NCOA3: variants seen among roughly 807,000 people sequenced by gnomAD.
NCOA3 encodes the protein nuclear receptor coactivator 3.
Under a neutral mutation model 158.8 loss-of-function variants are expected in NCOA3, and 51 were observed. The ratio of observed to expected loss-of-function variants is 0.32; its 90% CI spans 0.26 to 0.41. NCOA3 has a LOEUF of 0.41. Among genes scored for constraint, NCOA3 ranks in the 10% least tolerant of loss-of-function variants. The probability of loss-of-function intolerance (pLI) is 1.00; values close to 1 mark genes in which losing one functional copy is unlikely to be tolerated. For synonymous variants in NCOA3, 537 were observed against 592.4 expected, an observed-to-expected ratio of 0.91 and a Z score of 1.36; for missense variants, 1,510 against 1,746.6, an observed-to-expected ratio of 0.86 and a Z score of 2.41.
intron 8 of NCOA3, chr20:47,628,873 A>T (rs781037675): frequency 6.6e-6 from 1 of 152,208 alleles, no homozygotes; most frequent in African/African-American, 2.4e-5. Context: ...TCTTATGGTC[A>T]CCTAAGTGTA....
chr20:47,611,673 T>C (rs910749450), intron 2 of NCOA3, among the ~76,000 whole-genome samples: 2 of 152,068 alleles, frequency 1.3e-5, no homozygotes, highest in Non-Finnish European at 2.9e-5. Flanking sequence ...CTGCCTGTAA[T>C]CCCGGCTACT....
intron 1 of NCOA3, among the ~76,000 whole-genome samples, chr20:47,505,087 A>T (rs1469050770): frequency 2.4e-5 from 1 of 42,040 alleles, no homozygotes; most frequent in African/African-American, 7.6e-5. Context: ...TTTGAGAAGG[A>T]AATTTGCTCT....
intron 1 of NCOA3, among the ~76,000 whole-genome samples, chr20:47,566,887 G>A (rs1300070406): frequency 1.3e-5 from 2 of 151,994 alleles, no homozygotes; most frequent in Non-Finnish European, 2.9e-5. Flanking sequence ...GGGAGACTGA[G>A]GCAGGAAGAT....
rs2230781 is a variant in NCOA3 at position 47,636,061 on chromosome 20, C to T, written c.1675C>T (p.Pro559Ser). ...DNSPNMNITQ[P>S]SKVSNQDSKS... ...CTCTCCCAATATGAATATTACCCAA[C>T]CAAGTAAAGTAAGCAATCAGGATTC... The change falls in exon 12 of 23, where the codon CCA (proline) becomes TCA (serine). Residue 559 changes from proline to serine, a missense_variant. Pro to Ser is a moderately conservative substitution (Grantham distance 74). This residue lies in a region of NCOA3 where 1,017 missense variants were observed against 1,098.3 expected (regional missense o/e 0.93). Coordinates refer to ENST00000371998, the MANE Select transcript of NCOA3 (RefSeq NM_181659.3). 2.9e-3 allele frequency: 4,756 copies of T among 1,614,032 alleles called. 128 individuals carry two copies. The African/African-American group carries it at 0.055, about 19-fold the overall frequency.
At chr20:47,587,352 G>T (rs1445555282) in intron 2 of NCOA3, among the ~76,000 whole-genome samples, 1 of 152,194 alleles carries the variant, frequency 6.6e-6, no homozygotes, top group Non-Finnish European at 1.5e-5. Flanking sequence ...TGAGTGCTAG[G>T]TGTCCTCACT....
chr20:47,502,702 CTTTT>C (rs3083969), intron 1 of NCOA3, among the ~76,000 whole-genome samples: 1 of 139,320 alleles, frequency 7.2e-6, no homozygotes, highest in Non-Finnish European at 1.5e-5. Flanking sequence ...TTTATTACTA[CTTTT>C]TTTTTTTTTT....
At chr20:47,641,206 A>C (rs1247652599) in intron 16 of NCOA3, among the ~76,000 whole-genome samples, 1 of 152,188 alleles carries the variant, frequency 6.6e-6, no homozygotes, top group East Asian at 1.9e-4. Context: ...GAACTGAGGC[A>C]ACTTGCTGTG....
At chr20:47,580,370 G>A (rs1213608600) in intron 1 of NCOA3, among the ~76,000 whole-genome samples, 1 of 152,010 alleles carries the variant, frequency 6.6e-6, no homozygotes, top group South Asian at 2.1e-4. Flanking sequence ...TTCGATACCA[G>A]CCTGGCCAAT....
At chr20:47,632,689 GTT>G (rs35508741) in intron 8 of NCOA3, among the ~76,000 whole-genome samples, 9 of 141,306 alleles carry the variant, frequency 6.4e-5, no homozygotes, top group African/African-American at 1.3e-4. Context: ...GCTGGCCCGA[GTT>G]TTTTTTTTTT....
chr20:47,565,223 C>T (rs915225483), intron 1 of NCOA3, among the ~76,000 whole-genome samples: 5 of 152,154 alleles, frequency 3.3e-5, no homozygotes, highest in Non-Finnish European at 7.4e-5. Context: ...TCAAGTCACA[C>T]GCCTGCCTCG....
At chr20:47,618,624 G>A (rs2086184865) in intron 2 of NCOA3, among the ~76,000 whole-genome samples, 1 of 152,130 alleles carries the variant, frequency 6.6e-6, no homozygotes, top group Admixed American at 6.5e-5. Context: ...AAAGTGCTGG[G>A]ATTACATGCA....
rs775261584 is a variant in NCOA3 at position 47,639,642 on chromosome 20, T to G, written c.2773T>G (p.Ser925Ala). Reference protein sequence around the residue: ...PSSGDWGLPNSKAGRMEPMNS... With the variant: ...PSSGDWGLPNAKAGRMEPMNS... Reference sequence around the variant, plus strand: ...CTCAGGAGACTGGGGCTTACCAAACTCAAAGGCCGGCAGAATGGAACCTAT... The same window carrying G: ...CTCAGGAGACTGGGGCTTACCAAACGCAAAGGCCGGCAGAATGGAACCTAT... Residue 925 changes from serine (S) to alanine (A), a missense_variant, in exon 15 of 23, where the codon TCA becomes GCA. By Grantham distance (99) the Ser-to-Ala change is moderately conservative. Around this residue, in one of 4 missense-constraint regions of NCOA3, gnomAD observed 1,017 missense variants for 1,098.3 expected, o/e 0.93. Transcript: ENST00000371998. The G allele has an allele frequency of 3.1e-6, 5 of 1,613,862 alleles. No individual in the cohort carries two copies. Among genetic ancestry groups the G allele is most frequent in the Non-Finnish European group, 1.7e-6 (2 of 1,179,852 alleles).
At chr20:47,546,774 T>G (rs2084836521) in intron 1 of NCOA3, among the ~76,000 whole-genome samples, 1 of 151,992 alleles carries the variant, frequency 6.6e-6, no homozygotes, top group African/African-American at 2.4e-5. Flanking sequence ...CAGGTGATCT[T>G]CCCGCCCTGG....
intron 1 of NCOA3, among the ~76,000 whole-genome samples, chr20:47,562,538 ATT>A (rs201250731): frequency 2.1e-5 from 3 of 143,778 alleles, no homozygotes; most frequent in Non-Finnish European, 3.1e-5. Flanking sequence ...ATCTGTCTTG[ATT>A]TTTTTTTTTT....
intron 2 of NCOA3, among the ~76,000 whole-genome samples, chr20:47,587,727 T>G (rs905342300): frequency 1.3e-5 from 2 of 152,208 alleles, no homozygotes; most frequent in African/African-American, 4.8e-5. Context: ...TTGAGTATTT[T>G]TGATCCATGG....
intron 1 of NCOA3, among the ~76,000 whole-genome samples, chr20:47,576,079 C>T (rs1262222587): frequency 2.0e-5 from 3 of 152,100 alleles, no homozygotes. Context: ...ATGGTTCACT[C>T]CTGAGTTTAT....
intron 1 of NCOA3, among the ~76,000 whole-genome samples, chr20:47,531,814 C>T (rs962502163): frequency 6.6e-6 from 1 of 151,560 alleles, no homozygotes; most frequent in Non-Finnish European, 1.5e-5. Context: ...TCAGGTCCCT[C>T]ACTTTTTCTG....
At chr20:47,517,451 CTTTTTTT>C (rs376699406) in intron 1 of NCOA3, among the ~76,000 whole-genome samples, 49 of 129,296 alleles carry the variant, frequency 3.8e-4, no homozygotes, top group African/African-American at 6.3e-4. Context: ...TTTTCTTTTT[CTTTTTTT>C]TTTTTTTTTT....
chr20:47,636,199 G>A lies in NCOA3; in HGVS notation c.1813G>A (p.Gly605Arg). Residue 605 changes from glycine to arginine, a missense_variant, in exon 12 of 23, where the codon GGG becomes AGG. Physicochemically the swap from Gly to Arg is moderately radical, Grantham distance 125 (BLOSUM62 -2). Coordinates refer to ENST00000371998, the MANE Select transcript of NCOA3 (RefSeq NM_181659.3). ...DKESKESSVE[G>R]AENQRGPLES... is the part of the protein sequence containing the mutation. Reference sequence around the variant, plus strand: ...AGAAAGTAAGGAGAGCAGTGTTGAGGGGGCAGAGAATCAAAGGGGTCCTTT... The same window carrying A: ...AGAAAGTAAGGAGAGCAGTGTTGAGAGGGCAGAGAATCAAAGGGGTCCTTT... 6.2e-7 allele frequency: 1 copy of A among 1,614,152 alleles called. No individual in the cohort carries two copies. The highest frequency in any genetic ancestry group is 8.5e-7 in the Non-Finnish European group (1 of 1,180,020).
Sources: gnomAD v4.1 joint callset for allele counts (sites outside exome capture counted in the v4.1 genomes callset) on GRCh38, gnomAD v4.1.1 for gene constraint, gnomAD v4.1.1 regional missense constraint, MANE v1.5 for transcripts, NCBI Gene and HGNC (gene_info 2026-07-23, HGNC 2026-07-21) for gene names.